The following MACROD2 variants were observed in gnomAD, a reference collection of about 807,000 sequenced individuals.
MACROD2 encodes mono-ADP ribosylhydrolase 2, also known as ADP-ribose glycohydrolase MACROD2.
In MACROD2, 36 loss-of-function variants were observed where a neutral mutation model predicts 70.4. That is an observed-to-expected ratio of 0.51 (90% confidence interval 0.39 to 0.68). MACROD2 has a LOEUF of 0.68. MACROD2 is among the 30% of genes least tolerant of loss of function. The pLI is 0.00. For missense variants in MACROD2, 496 were observed against 538.4 expected, an observed-to-expected ratio of 0.92 and a Z score of 0.78; for synonymous variants, 172 against 178.8, an observed-to-expected ratio of 0.96 and a Z score of 0.30.
chr20:13,999,215 C>T (rs966433934), intron 1 of MACROD2, among the ~76,000 whole-genome samples: 2 of 152,184 alleles, frequency 1.3e-5, no homozygotes, highest in Non-Finnish European at 2.9e-5. Context: ...TCAGGTTCCT[C>T]TCCATTGCCT....
chr20:14,168,587 A>G (rs950592226), intron 3 of MACROD2, among the ~76,000 whole-genome samples: 29 of 152,222 alleles, frequency 1.9e-4, no homozygotes, highest in African/African-American at 6.5e-4. Flanking sequence ...TAAAGTCCAC[A>G]GTTTACATTA....
chr20:15,941,138 A>C (rs2065745806), intron 12 of MACROD2, among the ~76,000 whole-genome samples: 2 of 152,002 alleles, frequency 1.3e-5, no homozygotes, highest in Admixed American at 6.6e-5. Flanking sequence ...GATTTTTTTT[A>C]ACATAAAACT....
At chr20:14,558,942 G>T (rs949507085) in intron 4 of MACROD2, among the ~76,000 whole-genome samples, 1 of 151,542 alleles carries the variant, frequency 6.6e-6, no homozygotes, top group Admixed American at 6.6e-5. Flanking sequence ...ACAGTGATGT[G>T]ATCCTTTTCA....
intron 5 of MACROD2, among the ~76,000 whole-genome samples, chr20:14,899,819 C>T (rs990351419): frequency 3.9e-5 from 6 of 152,202 alleles, no homozygotes; most frequent in African/African-American, 1.2e-4. Flanking sequence ...ATAACAACAA[C>T]AAACCAAACT....
At chr20:15,686,747 C>G (rs995700882) in intron 8 of MACROD2, among the ~76,000 whole-genome samples, 1 of 151,944 alleles carries the variant, frequency 6.6e-6, no homozygotes, top group Non-Finnish European at 1.5e-5. Flanking sequence ...GTGGCGCACG[C>G]CTATAGTCCC....
intron 5 of MACROD2, among the ~76,000 whole-genome samples, chr20:14,881,028 T>C (rs1411408845): frequency 2.0e-5 from 3 of 152,106 alleles, no homozygotes; most frequent in East Asian, 3.9e-4. Context: ...GCATGAGTCC[T>C]TGAAAGCAAA....
intron 5 of MACROD2, among the ~76,000 whole-genome samples, chr20:15,175,363 G>T (rs887829876): frequency 2.6e-5 from 4 of 151,714 alleles, no homozygotes; most frequent in Non-Finnish European, 4.4e-5. Flanking sequence ...CACCAGCATG[G>T]CACATGTATA....
intron 5 of MACROD2, among the ~76,000 whole-genome samples, chr20:15,207,538 G>T (rs2145940565): frequency 6.9e-6 from 1 of 145,230 alleles, no homozygotes; most frequent in East Asian, 2.0e-4. Flanking sequence ...TGCCTCCCAG[G>T]TTCAAGTGAC....
chr20:15,261,619 A>C (rs555641387), intron 6 of MACROD2, among the ~76,000 whole-genome samples: 1 of 152,144 alleles, frequency 6.6e-6, no homozygotes, highest in Admixed American at 6.6e-5. Context: ...CATGAACAGC[A>C]AGACTGATGC....
intron 3 of MACROD2, among the ~76,000 whole-genome samples, chr20:14,362,538 A>C (rs939136077): frequency 6.6e-6 from 1 of 152,140 alleles, no homozygotes; most frequent in Admixed American, 6.5e-5. Context: ...TAAATGAAGC[A>C]TTTGTGTAAA....
At chr20:14,757,995 C>A in intron 5 of MACROD2, 1 of 790,040 alleles carries the variant, frequency 1.3e-6, no homozygotes. Context: ...GGGACTGGGT[C>A]AGCAACTGAA....
chr20:14,011,015 T>C (rs2052895747), intron 2 of MACROD2, among the ~76,000 whole-genome samples: 2 of 152,188 alleles, frequency 1.3e-5, no homozygotes, highest in African/African-American at 4.8e-5. Context: ...TTCTCTTTCA[T>C]AGCATTCACA....
intron 5 of MACROD2, among the ~76,000 whole-genome samples, chr20:14,819,372 C>T (rs545581856): frequency 3.5e-5 from 5 of 142,262 alleles, no homozygotes; most frequent in African/African-American, 8.1e-5. Context: ...GGCTGCAAGA[C>T]GTATTGATAA....
chr20:14,644,215 G>A (rs1375593023), intron 4 of MACROD2, among the ~76,000 whole-genome samples: 2 of 152,256 alleles, frequency 1.3e-5, no homozygotes, highest in East Asian at 3.9e-4. Context: ...TTCATCACAA[G>A]GCAAGGGCTT....
chr20:15,305,218 G>A (rs1399806346), intron 6 of MACROD2, among the ~76,000 whole-genome samples: 5 of 151,498 alleles, frequency 3.3e-5, no homozygotes, highest in Non-Finnish European at 7.4e-5. Flanking sequence ...TTTATCAAGA[G>A]TTCCTTTTAT....
chr20:14,573,376 G>A (rs1295554864), intron 4 of MACROD2, among the ~76,000 whole-genome samples: 1 of 152,102 alleles, frequency 6.6e-6, no homozygotes, highest in Non-Finnish European at 1.5e-5. Context: ...TGTCTGGCAA[G>A]TAATCAGCAC....
chr20:15,829,033 T>C (rs1265755161), intron 8 of MACROD2, among the ~76,000 whole-genome samples: 1 of 152,220 alleles, frequency 6.6e-6, no homozygotes, highest in Non-Finnish European at 1.5e-5. Context: ...TCAATAATTA[T>C]TCAATTAAAA....
chr20:14,553,536 A>G (rs1269378955), intron 4 of MACROD2, among the ~76,000 whole-genome samples: 1 of 151,378 alleles, frequency 6.6e-6, no homozygotes, highest in Non-Finnish European at 1.5e-5. Context: ...AAATAATTGT[A>G]TGTACTATAC....
At chr20:14,434,504 TGTTA>T (rs2084033245) in intron 3 of MACROD2, among the ~76,000 whole-genome samples, 1 of 152,084 alleles carries the variant, frequency 6.6e-6, no homozygotes, top group South Asian at 2.1e-4. Flanking sequence ...CCCTTGCAAT[TGTTA>T]GTTTAAATTC....
Sources: allele counts gnomAD v4.1 joint callset (sites outside exome capture counted in the v4.1 genomes callset), GRCh38; gene constraint gnomAD v4.1.1; transcripts MANE v1.5; gene names NCBI Gene and HGNC (gene_info 2026-07-23, HGNC 2026-07-21).